TTN: variants seen among roughly 807,000 people sequenced by gnomAD.
TTN encodes titin.
Under a neutral mutation model 3,223.0 loss-of-function variants are expected in TTN, and 1,525 were observed. The ratio of observed to expected loss-of-function variants is 0.47; its 90% CI spans 0.45 to 0.49. TTN has a LOEUF of 0.49. TTN is among the 20% of genes least tolerant of loss of function. The pLI is 0.00. For missense variants in TTN, 40,786 were observed against 43,424.0 expected, an observed-to-expected ratio of 0.94 and a Z score of 5.40; for synonymous variants, 14,094 against 15,161.0, an observed-to-expected ratio of 0.93 and a Z score of 5.17.
chr2:178,594,673 G>A (rs948410118), intron 295 of TTN, 27 bp from the exon 296 acceptor site: 1 of 1,534,198 alleles, frequency 6.5e-7, no homozygotes. Flanking sequence ...AGGAATTGTG[G>A]TAGAAAAAAA....
Position 178,609,715 on chromosome 2 carries a change from A to G in TTN, c.51708T>C (p.Ala17236=). The change falls in exon 272 of 363, where the codon GCT becomes GCC. Residue 17236 remains alanine, a synonymous_variant. Transcript: ENST00000589042. The stretch of plus-strand genomic sequence containing the variant: ...GATCTACAGCTTTGGTTGGAGGAGT[A>G]GCCCGAGAAGGTTCACTAATACCCG... The part of the protein sequence containing the change: ...NAAGISEPSR[A]TPPTKAVDPI... The G allele has an allele frequency of 6.2e-7, 1 of 1,605,012 alleles. No homozygotes were observed. The highest frequency in any genetic ancestry group is 8.5e-7 in the Non-Finnish European group (1 of 1,173,972).
chr2:178,732,968 T>A lies in TTN; in HGVS notation c.16208A>T (p.Tyr5403Phe). 1 of 1,613,606 alleles carries A rather than the reference T, an allele frequency of 6.2e-7. No homozygotes were observed. The highest frequency in any genetic ancestry group is 1.1e-5 in the South Asian group (1 of 91,078). ...DGKEIAASDR[Y>F]RIAFVEGTAS... ...TGTGCCTTCCACAAATGCTATCCTG[T>A]ATCTGTCAGAAGCAGCTATTTCTTT... The change falls in exon 55 of 363, where the codon TAC becomes TTC. Residue 5403 changes from tyrosine (Y) to phenylalanine (F), a missense_variant. By Grantham distance (22) the Tyr-to-Phe change is conservative. Coordinates refer to ENST00000589042, the MANE Select transcript of TTN (RefSeq NM_001267550.2).
rs776672344 is a variant in TTN at position 178,652,732 on chromosome 2, T to C, written c.38964A>G (p.Pro12988=). 2 of 1,612,666 alleles carry C rather than the reference T, an allele frequency of 1.2e-6. No homozygotes were observed. The highest frequency in any genetic ancestry group is 1.7e-5 in the Admixed American group (1 of 59,872). Residue 12988 remains proline (P), a synonymous_variant, in exon 201 of 363, where the codon CCA becomes CCG. Transcript: ENST00000589042. ...CAGGAACAACCTCTTTGGGAGCCTC[T>C]GGTACTTAAAAGATATTAGTGAAAT... ...KKPEVPPVKV[P]EAPKEVVPEK...
intron 144 of TTN, 102 bp from the exon 145 acceptor site, chr2:178,678,310 G>T: frequency 6.6e-7 from 1 of 1,509,528 alleles, no homozygotes; most frequent in African/African-American, 1.4e-5. Flanking sequence ...TTTCTAACCA[G>T]ATAGACACTT....
At position 178,776,343 on chromosome 2, in the gene TTN, G is replaced by A; in HGVS notation, c.5521C>T (p.Pro1841Ser). The A allele has an allele frequency of 6.2e-7, 1 of 1,613,758 alleles. No individual in the cohort carries two copies. The highest frequency in any genetic ancestry group is 8.5e-7 in the Non-Finnish European group (1 of 1,179,980). The change falls in exon 28 of 363, where the codon CCA becomes TCA. Residue 1841 changes from proline (P) to serine (S), a missense_variant. Pro to Ser is a moderately conservative substitution (Grantham distance 74). Transcript: ENST00000589042. ...VTTDQKEKQKPDIVLYPEPVR... is the reference protein window; with the variant it reads ...VTTDQKEKQKSDIVLYPEPVR... ...GGCTCTGGGTACAAGACAATGTCTGGCTTTTGCTTTTCTTTCTGATCTGTT... is the reference window on the plus strand; with the variant it reads ...GGCTCTGGGTACAAGACAATGTCTGACTTTTGCTTTTCTTTCTGATCTGTT...
chr2:178,651,045 C>T (rs916778528), intron 208 of TTN, among the ~76,000 whole-genome samples, 198 bp downstream of exon 208: 3 of 151,978 alleles, frequency 2.0e-5, no homozygotes, highest in Non-Finnish European at 4.4e-5. Flanking sequence ...TAAACTTTTC[C>T]AATGCTTGTA....
In TTN at chr2:178,732,986, A is replaced by G. The variant is rs1362992469; in HGVS notation, c.16190T>C (p.Ile5397Thr). The G allele has an allele frequency of 2.5e-6, 4 of 1,613,418 alleles. No individual in the cohort carries two copies. The highest frequency in any genetic ancestry group is 2.2e-5 in the East Asian group (1 of 44,752). ...RVSWFKDGKE[I>T]AASDRYRIAF... ...TATCCTGTATCTGTCAGAAGCAGCT[A>G]TTTCTTTGCCATCCTTAAACCAGGA... The change falls in exon 55 of 363, where the codon ATA (isoleucine) becomes ACA (threonine). Residue 5397 changes from isoleucine to threonine, a missense_variant. Transcript: ENST00000589042.
At chr2:178,725,296 A>T in intron 71 of TTN, 72 bp downstream of exon 71, 1 of 1,382,848 alleles carries the variant, frequency 7.2e-7, no homozygotes, top group Non-Finnish European at 9.4e-7. Context: ...TCAGAAAAAG[A>T]ATCTGCCAGT....
Position 178,595,802 on chromosome 2 carries a change from TGGAACATCTGGAAATA to T in TTN, c.57545-9_57551del, listed in dbSNP as rs1413760176. On this transcript the variant is annotated splice_acceptor_variant and splice_polypyrimidine_tract_variant and coding_sequence_variant and intron_variant, in exon 295 of 363. Transcript: ENST00000589042. LOFTEE classifies it high-confidence loss of function. ...CTAGGAATGGTGTTCCAACGGGACC[TGGAACATCTGGAAATA>T]AGAAGAAAATAATTCAAGCTGTTTG... 1 of 1,592,342 alleles carries T rather than the reference TGGAACATCTGGAAATA, an allele frequency of 6.3e-7. No homozygotes were observed. Among genetic ancestry groups the T allele is most frequent in the Non-Finnish European group, 8.6e-7 (1 of 1,169,510 alleles).
At chr2:178,719,007 G>A in intron 83 of TTN, 34 bp from the exon 84 acceptor site, 1 of 1,539,952 alleles carries the variant, frequency 6.5e-7, no homozygotes, top group East Asian at 2.3e-5. Flanking sequence ...GAGATAAAGA[G>A]AAGAAAGAAA....
At position 178,560,385 on chromosome 2, in the gene TTN, A is replaced by G. The variant is rs763032657; in HGVS notation, c.85747T>C (p.Ser28583Pro). ...RPESDGGSEI[S>P]GYIIERREKN... Reference sequence around the variant, plus strand: ...TCTCGCCTTTCAATTATATATCCAGATATTTCACTACCTCCATCACTCTCG... The same window carrying G: ...TCTCGCCTTTCAATTATATATCCAGGTATTTCACTACCTCCATCACTCTCG... Residue 28583 changes from serine (S) to proline (P), a missense_variant, in exon 326 of 363, where the codon TCT (serine) becomes CCT (proline). Ser to Pro is a moderately conservative substitution (Grantham distance 74). Transcript: ENST00000589042. 11 of 1,613,528 alleles carry G rather than the reference A, an allele frequency of 6.8e-6. No individual in the cohort carries two copies. Among genetic ancestry groups the G allele is most frequent in the South Asian group, 6.6e-5 (6 of 91,068 alleles).
At chr2:178,551,539 G>T in intron 335 of TTN, 91 bp downstream of exon 335, 1 of 1,095,856 alleles carries the variant, frequency 9.1e-7, no homozygotes, top group Non-Finnish European at 1.3e-6. Context: ...TATGTAAGAA[G>T]GTGATGCAGA....
Position 178,620,355 on chromosome 2 carries a change from G to A in TTN, c.46166C>T (p.Ala15389Val). 1 of 1,606,266 alleles carries A rather than the reference G, an allele frequency of 6.2e-7. No homozygotes were observed. The highest frequency in any genetic ancestry group is 1.3e-5 in the African/African-American group (1 of 74,734). ...KSVAELLIIE[A>V]PTEFVEHLED... is the part of the protein sequence containing the mutation. Reference sequence around the variant, plus strand: ...CAAGTGTTCCACAAATTCTGTCGGGGCTTCTATGATGAGAAGCTCAGCAAC... The same window carrying A: ...CAAGTGTTCCACAAATTCTGTCGGGACTTCTATGATGAGAAGCTCAGCAAC... Residue 15389 changes from alanine (A) to valine (V), a missense_variant, in exon 248 of 363, where the codon GCC becomes GTC. Ala to Val is a moderately conservative substitution (Grantham distance 64). Coordinates refer to ENST00000589042, the MANE Select transcript of TTN (RefSeq NM_001267550.2).
intron 169 of TTN, 44 bp downstream of exon 169, chr2:178,663,971 C>T (rs1226562456): frequency 1.2e-6 from 2 of 1,611,936 alleles, no homozygotes; most frequent in South Asian, 1.1e-5. Flanking sequence ...TTGTCAAGAG[C>T]AGAAGAATTA....
In TTN at chr2:178,542,911, T is replaced by C. The variant is rs1363712214; in HGVS notation, c.96943A>G (p.Thr32315Ala). The change falls in exon 348 of 363, where the codon ACC becomes GCC. Residue 32315 changes from threonine to alanine, a missense_variant. By Grantham distance (58) the Thr-to-Ala change is moderately conservative (BLOSUM62 0). Coordinates refer to ENST00000589042, the MANE Select transcript of TTN (RefSeq NM_001267550.2). The part of the protein sequence containing the change: ...TIDLSTMPQK[T>A]IHVPAGRPVE... ...GGTCTGCCAGCTGGGACATGGATGG[T>C]CTTCTGAGGCATTGTAGAAAGATCG... The C allele has an allele frequency of 6.2e-7, 1 of 1,612,148 alleles. No individual in the cohort carries two copies. Among genetic ancestry groups the C allele is most frequent in the Admixed American group, 1.7e-5 (1 of 59,972 alleles).
chr2:178,630,153 C>A, intron 239 of TTN, 88 bp downstream of exon 239: 1 of 1,555,666 alleles, frequency 6.4e-7, no homozygotes, highest in Non-Finnish European at 8.8e-7. Context: ...TATTTTCTAA[C>A]TAATAAAATA....
intron 44 of TTN, 55 bp from the exon 45 acceptor site, chr2:178,757,971 C>T: frequency 6.7e-7 from 1 of 1,487,000 alleles, no homozygotes; most frequent in East Asian, 2.3e-5. Context: ...AACCAGAACT[C>T]ATTTGGAGTT....
At position 178,780,195 on chromosome 2, in the gene TTN, C is replaced by G; in HGVS notation, c.3534G>C (p.Glu1178Asp). ...SASLLEEADY[E>D]LLMKSQQEML... ...TTTCTTGCTGGGACTTCATCAGTAA[C>G]TCATAATCAGCTAAGAGTTAAGAAC... Residue 1178 changes from glutamate to aspartate, a missense_variant, in exon 22 of 363, where the codon GAG becomes GAC. Coordinates refer to ENST00000589042, the MANE Select transcript of TTN (RefSeq NM_001267550.2). 6.2e-7 allele frequency: 1 copy of G among 1,613,452 alleles called. No individual in the cohort carries two copies. Among genetic ancestry groups the G allele is most frequent in the African/African-American group, 1.3e-5 (1 of 75,008 alleles).
Position 178,577,179 on chromosome 2 carries a change from AAC to A in TTN, c.69154_69155del (p.Val23052PhefsTer3). On this transcript the variant is annotated frameshift_variant, in exon 324 of 363. Transcript: ENST00000589042. LOFTEE classifies it high-confidence loss of function. Reference protein sequence around the residue: ...GPPGPVEISNVSAEKATLTWT... With the variant: ...GPPGPVEISNXSAEKATLTWT... ...ATGTAAGTGTTGCTTTTTCAGCAGA[AAC>A]ATTACTGATTTCAACAGGACCTGGG... is the stretch of plus-strand genomic sequence containing the variant. 1 of 1,612,974 alleles carries A rather than the reference AAC, an allele frequency of 6.2e-7. No individual in the cohort carries two copies. The highest frequency in any genetic ancestry group is 8.5e-7 in the Non-Finnish European group (1 of 1,179,422).
Sources: gnomAD v4.1 joint callset for allele counts (sites outside exome capture counted in the v4.1 genomes callset) on GRCh38, gnomAD v4.1.1 for gene constraint, MANE v1.5 for transcripts, NCBI Gene and HGNC (gene_info 2026-07-23, HGNC 2026-07-21) for gene names.